TRERF1: variants seen among roughly 807,000 people sequenced by gnomAD.
TRERF1 encodes transcriptional-regulating factor 1.
Under a neutral mutation model 122.9 loss-of-function variants are expected in TRERF1, and 27 were observed. The observed-to-expected ratio is 0.22, with a 90% confidence interval of 0.16 to 0.30. The LOEUF (loss-of-function observed/expected upper bound fraction) is 0.30, where lower values mean the gene tolerates loss of function less well. Ranked by LOEUF, TRERF1 falls within the 10% of genes least tolerant of loss-of-function variation. The probability of loss-of-function intolerance (pLI) is 1.00; values close to 1 mark genes in which losing one functional copy is unlikely to be tolerated. For synonymous variants in TRERF1, 636 were observed against 641.7 expected (o/e 0.99, Z 0.13); for missense variants, 1,248 against 1,560.3 (o/e 0.80, Z 3.37).
At chr6:42,399,046 CA>C (rs1779016122) in intron 2 of TRERF1, among the ~76,000 whole-genome samples, 1 of 152,148 alleles carries the variant, frequency 6.6e-6, no homozygotes, top group Non-Finnish European at 1.5e-5. Flanking sequence ...CTGGAAAACA[CA>C]GGGAGAGATT....
At chr6:42,412,269 G>C (rs1416008000) in intron 2 of TRERF1, among the ~76,000 whole-genome samples, 1 of 152,104 alleles carries the variant, frequency 6.6e-6, no homozygotes, top group African/African-American at 2.4e-5. Flanking sequence ...CCAAAGTGCT[G>C]GGATTACAGG....
At chr6:42,350,883 G>T (rs1007356985) in intron 3 of TRERF1, among the ~76,000 whole-genome samples, 7 of 151,988 alleles carry the variant, frequency 4.6e-5, no homozygotes, top group South Asian at 2.1e-4. Context: ...TACACACACC[G>T]CATAAAAATC....
intron 3 of TRERF1, among the ~76,000 whole-genome samples, chr6:42,327,274 C>T (rs1224012296): frequency 2.0e-5 from 3 of 152,202 alleles, no homozygotes; most frequent in Non-Finnish European, 4.4e-5. Flanking sequence ...AGTGGTTTCA[C>T]CCATATATCT....
intron 2 of TRERF1, among the ~76,000 whole-genome samples, chr6:42,363,926 T>G (rs1457017595): frequency 1.3e-5 from 2 of 152,192 alleles, no homozygotes; most frequent in Non-Finnish European, 2.9e-5. Flanking sequence ...CCACCCAGTG[T>G]GTGGTACTTG....
chr6:42,446,063 C>T (rs552045818), intron 2 of TRERF1, among the ~76,000 whole-genome samples: 12 of 152,308 alleles, frequency 7.9e-5, no homozygotes, highest in African/African-American at 2.2e-4. Context: ...CACAGGCATC[C>T]GCCACCACGC....
intron 2 of TRERF1, among the ~76,000 whole-genome samples, chr6:42,419,525 C>T (rs932875315): frequency 2.5e-4 from 38 of 152,062 alleles, no homozygotes; most frequent in African/African-American, 7.2e-4. Context: ...TTCTAAAGTG[C>T]GCAGAACCTC....
rs762812010 is a variant in TRERF1 at position 42,374,150 on chromosome 6, AAAGAAG to A, written c.-453-11077_-453-11072del. ...CTGTCTTTTTTTTAAAAAAAAAAAA[AAAGAAG>A]AAGAAGAAGAAGAAGAAGAAGAAGG... On this transcript the variant is annotated intron_variant, in intron 2 of 17. Coordinates refer to ENST00000372922, the Ensembl canonical transcript of TRERF1. Among the ~76,000 whole-genome samples, 1,105 of 143,982 alleles carry A rather than the reference AAAGAAG, an allele frequency of 7.7e-3. 13 individuals are homozygous for A. Among genetic ancestry groups the A allele is most frequent in the African/African-American group, 0.026 (997 of 38,628 alleles). 94.5% of individuals were successfully genotyped at this position (143,982 alleles called of 152,430 possible). A position where few individuals can be genotyped will look rare whatever the true frequency, so the allele number is the denominator to read the frequency against.
chr6:42,299,116 C>CTGTCTGTCTGTCTGTCTGTCTGTCTGTA (rs10627056), intron 4 of TRERF1, among the ~76,000 whole-genome samples: 2 of 141,676 alleles, frequency 1.4e-5, no homozygotes, highest in African/African-American at 5.4e-5. Context: ...GTCTGTCTGT[C>CTGTCTGTCTGTCTGTCTGTCTGTCTGTA]TCTATCTATC....
intron 2 of TRERF1, among the ~76,000 whole-genome samples, chr6:42,442,544 A>T (rs1786717286): frequency 6.6e-6 from 1 of 152,226 alleles, no homozygotes; most frequent in Non-Finnish European, 1.5e-5. Context: ...ACAGATGGCA[A>T]ATAGCTGCCC....
At chr6:42,351,105 C>T (rs189912317) in intron 3 of TRERF1, among the ~76,000 whole-genome samples, 6 of 152,260 alleles carry the variant, frequency 3.9e-5, no homozygotes, top group Admixed American at 2.0e-4. Flanking sequence ...CTATTTTCAA[C>T]GATCAAATTG....
Position 42,259,474 on chromosome 6 carries a change from G to T in TRERF1, c.2134C>A (p.Pro712Thr). ...CCCTGGCGCACCGGGCTCAGCATGG[G>T]TGGGGGCGTGTAAGGGGGCAGCTCG... The change falls in exon 9 of 18, where the codon CCC (proline) becomes ACC (threonine). Residue 712 changes from proline to threonine, a missense_variant. This residue lies in a region of TRERF1 where 946 missense variants were observed against 1,073.0 expected (regional missense o/e 0.88). Transcript: ENST00000372922. This position sits in a 1 kb window ranked among gnomAD's most constrained non-coding sequence, Gnocchi z 4.9. 1 of 1,608,954 alleles carries T rather than the reference G, an allele frequency of 6.2e-7. No individual in the cohort carries two copies.
intron 3 of TRERF1, among the ~76,000 whole-genome samples, chr6:42,335,008 C>T (rs1048701066): frequency 2.0e-5 from 3 of 152,184 alleles, no homozygotes; most frequent in Admixed American, 2.0e-4. Context: ...GCATATTAGC[C>T]CTAGAAATGA....
intron 2 of TRERF1, among the ~76,000 whole-genome samples, chr6:42,440,465 G>C (rs1786306018): frequency 6.6e-6 from 1 of 152,158 alleles, no homozygotes; most frequent in African/African-American, 2.4e-5. Context: ...AATTGTAGGA[G>C]AATGAAATGA....
intron 2 of TRERF1, among the ~76,000 whole-genome samples, chr6:42,371,340 G>T (rs548326845): frequency 6.6e-6 from 1 of 152,332 alleles, no homozygotes; most frequent in African/African-American, 2.4e-5. Context: ...CCTTTCATCT[G>T]CTGTGTCTCC....
At chr6:42,402,820 A>G (rs1330851785) in intron 2 of TRERF1, among the ~76,000 whole-genome samples, 3 of 152,132 alleles carry the variant, frequency 2.0e-5, no homozygotes, top group African/African-American at 7.2e-5. Flanking sequence ...TGCTTTACAT[A>G]CCTTTTCTCA....
At chr6:42,408,279 A>G (rs903176308) in intron 2 of TRERF1, among the ~76,000 whole-genome samples, 67 of 141,338 alleles carry the variant, frequency 4.7e-4, no homozygotes, top group Non-Finnish European at 9.1e-4. Flanking sequence ...GTATATATAC[A>G]TACACATGTG....
chr6:42,416,368 T>C (rs1195866126), intron 2 of TRERF1, among the ~76,000 whole-genome samples: 1 of 152,226 alleles, frequency 6.6e-6, no homozygotes, highest in Non-Finnish European at 1.5e-5. Flanking sequence ...AAAAATGTAT[T>C]TTCCCATGTT....
At chr6:42,243,879 C>CTTT (rs34858601) in intron 14 of TRERF1, among the ~76,000 whole-genome samples, 23 of 123,360 alleles carry the variant, frequency 1.9e-4, no homozygotes, top group African/African-American at 2.3e-4. Context: ...TGCGCCCAGC[C>CTTT]TTTTTTTTTT....
At chr6:42,402,447 C>A (rs1299825869) in intron 2 of TRERF1, among the ~76,000 whole-genome samples, 4 of 152,138 alleles carry the variant, frequency 2.6e-5, no homozygotes, top group Non-Finnish European at 4.4e-5. Context: ...AACTGAGACC[C>A]CTGTTCACCG....
Sources: gnomAD v4.1 joint callset for allele counts (sites outside exome capture counted in the v4.1 genomes callset) on GRCh38, gnomAD v4.1.1 for gene constraint, gnomAD v4.1.1 regional missense constraint, Gnocchi (gnomAD v3.1) non-coding constraint, MANE v1.5 for transcripts, NCBI Gene and HGNC (gene_info 2026-07-23, HGNC 2026-07-21) for gene names.